RNF150: variants seen among roughly 807,000 people sequenced by gnomAD.
RNF150 encodes ring finger protein 150.
A neutral mutation model predicts 39.3 loss-of-function variants in RNF150; 24 were observed. That is an observed-to-expected ratio of 0.61 (90% CI 0.44 to 0.86). The LOEUF (loss-of-function observed/expected upper bound fraction) is 0.86, where lower values mean the gene tolerates loss of function less well. Ranked by LOEUF, RNF150 falls within the 40% of genes least tolerant of loss-of-function variation. RNF150 has a pLI of 0.00. For missense variants in RNF150, 502 were observed against 587.8 expected, an observed-to-expected ratio of 0.85 and a Z score of 1.51; for synonymous variants, 255 against 227.3, an observed-to-expected ratio of 1.12 and a Z score of -1.10.
chr4:141,157,223 C>CA (rs35279607), intron 1 of RNF150, among the ~76,000 whole-genome samples: 1 of 152,074 alleles, frequency 6.6e-6, no homozygotes, highest in Non-Finnish European at 1.5e-5. Context: ...TCTCCCCCCC[C>CA]AAAAATGTAG....
intron 1 of RNF150, among the ~76,000 whole-genome samples, chr4:141,180,951 T>A (rs1302373433): frequency 1.3e-5 from 2 of 152,182 alleles, no homozygotes; most frequent in East Asian, 3.8e-4. Flanking sequence ...ATTTGGGATA[T>A]TCAAGGGAAT....
intron 1 of RNF150, among the ~76,000 whole-genome samples, chr4:141,171,212 A>C (rs192629030): frequency 6.6e-6 from 1 of 152,278 alleles, no homozygotes; most frequent in African/African-American, 2.4e-5. Context: ...GCCAGCCCAC[A>C]CTGCATGGTC....
intron 1 of RNF150, among the ~76,000 whole-genome samples, chr4:141,208,940 G>A (rs1005542981): frequency 2.6e-5 from 4 of 152,160 alleles, no homozygotes; most frequent in African/African-American, 9.7e-5. Flanking sequence ...ACAGTGGCCA[G>A]AGCAGATACT....
At chr4:141,027,398 T>C (rs1735742901) in intron 1 of RNF150, among the ~76,000 whole-genome samples, 1 of 152,144 alleles carries the variant, frequency 6.6e-6, no homozygotes, top group East Asian at 1.9e-4. Flanking sequence ...ATTCACATTG[T>C]TCAAATTATA....
intron 1 of RNF150, among the ~76,000 whole-genome samples, chr4:141,066,114 A>T (rs541176683): frequency 6.6e-6 from 1 of 152,078 alleles, no homozygotes; most frequent in East Asian, 2.0e-4. Context: ...TTGGAGAGGG[A>T]TGAATCAGCA....
intron 4 of RNF150, 50 bp from the exon 5 acceptor site, chr4:140,926,123 C>G: frequency 2.2e-6 from 3 of 1,352,760 alleles, no homozygotes; most frequent in Non-Finnish European, 3.2e-6. Context: ...CAGAGAATAC[C>G]TGGTCCACCA....
rs3033129 is a variant in RNF150 at position 140,940,390 on chromosome 4, AGTGT to A, written c.890+7260_890+7263del. On this transcript the variant is annotated intron_variant, in intron 4 of 6. Transcript: ENST00000515673. ...CAGCCTTATTTATAATAGCAGAAAA[AGTGT>A]GTGTGTGTGTGTGTGTATAACAATT... 1.9e-4 allele frequency among the ~76,000 whole-genome samples: 29 copies of A among 150,962 alleles called. No individual in the cohort carries two copies. The South Asian group carries it at 2.7e-3, about 14-fold the overall frequency.
intron 4 of RNF150, among the ~76,000 whole-genome samples, chr4:140,942,329 C>T (rs79090200): frequency 0.021 from 3,253 of 152,250 alleles, 65 homozygotes; most frequent in African/African-American, 0.048. Flanking sequence ...TGATGGAGCC[C>T]GCCTCAGAGG....
chr4:140,940,036 G>A (rs1037772228), intron 4 of RNF150, among the ~76,000 whole-genome samples: 2 of 152,162 alleles, frequency 1.3e-5, no homozygotes, highest in Admixed American at 6.5e-5. Flanking sequence ...GCATGCCACT[G>A]ACAGTGTGTT....
chr4:141,068,668 G>A lies in RNF150; in HGVS notation c.484+63657C>T, dbSNP rs376075563. Reference sequence around the variant, plus strand: ...CTTGGGCAGTATGGCCATTTTCACGGTATTGATTCTTCCTACCCATGAGCA... The same window carrying A: ...CTTGGGCAGTATGGCCATTTTCACGATATTGATTCTTCCTACCCATGAGCA... On this transcript the variant is annotated intron_variant, in intron 1 of 6. Coordinates refer to ENST00000515673, the MANE Select transcript of RNF150 (RefSeq NM_020724.2). Among the ~76,000 whole-genome samples, 457 of 150,226 alleles carry A rather than the reference G, an allele frequency of 3.0e-3. 2 individuals carry two copies. The highest frequency in any genetic ancestry group is 7.2e-3 in the African/African-American group (293 of 40,832).
chr4:141,141,974 G>A (rs1025433637), intron 1 of RNF150, among the ~76,000 whole-genome samples: 1 of 151,986 alleles, frequency 6.6e-6, no homozygotes, highest in Admixed American at 6.6e-5. Context: ...TAGCCAAGAT[G>A]GCACCACTGA....
At chr4:141,003,817 T>A (rs1305387936) in intron 1 of RNF150, among the ~76,000 whole-genome samples, 1 of 152,202 alleles carries the variant, frequency 6.6e-6, no homozygotes, top group African/African-American at 2.4e-5. Context: ...ATTTACATTC[T>A]CTTCTCCTTA....
chr4:140,921,015 C>T (rs1731103806), intron 5 of RNF150, among the ~76,000 whole-genome samples: 1 of 151,530 alleles, frequency 6.6e-6, no homozygotes, highest in Non-Finnish European at 1.5e-5. Flanking sequence ...GGAAGGGGAA[C>T]ATCACACTCT....
chr4:140,988,228 T>G (rs1734074688), intron 1 of RNF150, among the ~76,000 whole-genome samples: 1 of 152,168 alleles, frequency 6.6e-6, no homozygotes, highest in South Asian at 2.1e-4. Context: ...GAACTACCGT[T>G]CAATCCAGAA....
intron 1 of RNF150, among the ~76,000 whole-genome samples, chr4:141,035,626 G>A (rs1364053018): frequency 2.6e-5 from 4 of 152,108 alleles, no homozygotes; most frequent in Admixed American, 6.6e-5. Context: ...CCTGCTGAAG[G>A]CTATGTCCTT....
chr4:141,111,979 A>G (rs1323509196), intron 1 of RNF150, among the ~76,000 whole-genome samples: 1 of 152,234 alleles, frequency 6.6e-6, no homozygotes, highest in Admixed American at 6.5e-5. Flanking sequence ...TGATTTATTT[A>G]TAAAACTAAA....
chr4:140,906,935 C>A (rs1476133004), intron 6 of RNF150, among the ~76,000 whole-genome samples: 1 of 152,118 alleles, frequency 6.6e-6, no homozygotes, highest in African/African-American at 2.4e-5. Context: ...TCAACAATCT[C>A]CTTGAAAAAT....
intron 1 of RNF150, among the ~76,000 whole-genome samples, chr4:141,074,826 T>C (rs528164573): frequency 8.5e-5 from 13 of 152,338 alleles, no homozygotes; most frequent in African/African-American, 2.6e-4. Flanking sequence ...TAGCATATGA[T>C]GGCAACCAAG....
chr4:141,021,177 G>T (rs11947770), intron 1 of RNF150, among the ~76,000 whole-genome samples: 72 of 152,244 alleles, frequency 4.7e-4, no homozygotes, highest in African/African-American at 1.7e-3. Context: ...ATCAGCCGGG[G>T]ATGGTAGAGG....
Sources: gnomAD v4.1 joint callset for allele counts (sites outside exome capture counted in the v4.1 genomes callset) on GRCh38, gnomAD v4.1.1 for gene constraint, MANE v1.5 for transcripts, NCBI Gene and HGNC (gene_info 2026-07-23, HGNC 2026-07-21) for gene names.